Variants in LHPP observed in about 807,000 individuals in gnomAD.
LHPP encodes the protein phospholysine phosphohistidine inorganic pyrophosphate phosphatase, also known as hLHPP.
LHPP carries 24 observed loss-of-function variants against 30.3 expected under a neutral mutation model. That is an observed-to-expected ratio of 0.79 (90% confidence interval 0.57 to 1.11). LHPP has a LOEUF of 1.11. Among genes scored for constraint, LHPP ranks in the 50% most tolerant of loss-of-function variants. The probability of loss-of-function intolerance (pLI) is 0.00; values close to 1 mark genes in which losing one functional copy is unlikely to be tolerated. For synonymous variants in LHPP, 150 were observed against 157.1 expected (o/e 0.95, Z 0.34); for missense variants, 356 against 367.2 (o/e 0.97, Z 0.25).
At chr10:124,494,293 C>T (rs1351644810) in intron 3 of LHPP, among the ~76,000 whole-genome samples, 2 of 152,202 alleles carry the variant, frequency 1.3e-5, no homozygotes, top group Non-Finnish European at 2.9e-5. Context: ...TCCACCCAAC[C>T]TCTAGCTCCT....
intron 3 of LHPP, chr10:124,493,642 A>C (rs1320525457): frequency 1.3e-5 from 2 of 152,184 alleles, no homozygotes; most frequent in Non-Finnish European, 2.9e-5. Flanking sequence ...GGCTGTGCTG[A>C]ATAATCTGAA....
chr10:124,558,513 AG>A (rs1295101618), intron 6 of LHPP, among the ~76,000 whole-genome samples: 2 of 152,152 alleles, frequency 1.3e-5, no homozygotes, highest in Non-Finnish European at 2.9e-5. Context: ...CTCTCCCAAG[AG>A]TGTGTGCCCT....
rs980028675 is a variant in LHPP at position 124,469,133 on chromosome 10, G to A, written c.125+7146G>A. Among the ~76,000 whole-genome samples the A allele has an allele frequency of 1.5e-4, 23 of 152,240 alleles. No homozygotes were observed. In the East Asian group the frequency reaches 2.7e-3, roughly 18 times the overall value. ...GTACAGCCTGCTTTGAAGTCCTGCA[G>A]GAGCTCAAAGGAAGTTCCTGGGGTG... On this transcript the variant is annotated intron_variant, in intron 1 of 6. Coordinates refer to ENST00000368842, the MANE Select transcript of LHPP (RefSeq NM_022126.4).
At position 124,529,490 on chromosome 10, in the gene LHPP, G is replaced by GCCA. The variant is rs1377651358; in HGVS notation, c.716+12220_716+12222dup. ...AGGCCTCCTGGTGAGGAACCTCCCAGCCAGCCCTGTCAGTGGCACTGAGGC... is the reference window on the plus strand; with the variant it reads ...AGGCCTCCTGGTGAGGAACCTCCCAGCCACCAGCCCTGTCAGTGGCACTGAGGC... On this transcript the variant is annotated intron_variant, in intron 6 of 6. Coordinates refer to ENST00000368842, the MANE Select transcript of LHPP (RefSeq NM_022126.4). Among the ~76,000 whole-genome samples the GCCA allele has an allele frequency of 5.3e-5, 8 of 152,230 alleles. No homozygotes were observed. The East Asian group carries it at 1.5e-3, about 29-fold the overall frequency.
intron 1 of LHPP, among the ~76,000 whole-genome samples, chr10:124,463,520 G>A (rs1439306152): frequency 2.6e-5 from 4 of 151,884 alleles, no homozygotes; most frequent in East Asian, 3.9e-4. Flanking sequence ...CCGCCACCAC[G>A]CCCAGCTAAT....
intron 6 of LHPP, among the ~76,000 whole-genome samples, chr10:124,546,985 G>A (rs980641664): frequency 6.6e-6 from 1 of 151,980 alleles, no homozygotes; most frequent in Non-Finnish European, 1.5e-5. Context: ...CTCCCACCCA[G>A]ATTTAGCTCT....
chr10:124,537,091 A>G (rs1399505336), intron 6 of LHPP, among the ~76,000 whole-genome samples: 3 of 152,222 alleles, frequency 2.0e-5, no homozygotes, highest in Admixed American at 1.3e-4. Flanking sequence ...GTAAGCCTTA[A>G]GGTAAATTTC....
chr10:124,608,323 G>T (rs1949121759), intron 6 of LHPP, among the ~76,000 whole-genome samples: 1 of 150,190 alleles, frequency 6.7e-6, no homozygotes, highest in African/African-American at 2.4e-5. Context: ...GGCCGGTCAT[G>T]CTCTACCTCC....
intron 1 of LHPP, among the ~76,000 whole-genome samples, chr10:124,481,217 C>CAGAT (rs146653433): frequency 0.21 from 32,110 of 151,694 alleles, 4,223 homozygotes; most frequent in Middle Eastern, 0.3. Flanking sequence ...CAAAAACTGA[C>CAGAT]AGAGACAGGG....
intron 6 of LHPP, among the ~76,000 whole-genome samples, chr10:124,606,497 AG>A (rs11307680): frequency 0.74 from 112,444 of 152,146 alleles, 41,720 homozygotes; most frequent in Non-Finnish European, 0.74. Flanking sequence ...GGGAGGGGGC[AG>A]GGCCAGCGCC....
intron 1 of LHPP, among the ~76,000 whole-genome samples, chr10:124,481,979 C>T (rs1173183284): frequency 6.6e-6 from 1 of 152,224 alleles, no homozygotes; most frequent in Non-Finnish European, 1.5e-5. Context: ...TTCCTGACTC[C>T]ACTGTGTGTA....
chr10:124,544,183 A>G (rs976012150), intron 6 of LHPP, among the ~76,000 whole-genome samples: 2 of 152,180 alleles, frequency 1.3e-5, no homozygotes, highest in East Asian at 3.9e-4. Flanking sequence ...ACAGACGGGT[A>G]TGTGCCTCAC....
chr10:124,565,659 A>G (rs748732420), intron 6 of LHPP, among the ~76,000 whole-genome samples: 5 of 152,234 alleles, frequency 3.3e-5, no homozygotes, highest in South Asian at 2.1e-4. Flanking sequence ...CCAGGCGGCC[A>G]CTGTCGTCCA....
At chr10:124,514,615 T>A (rs561360266) in intron 5 of LHPP, among the ~76,000 whole-genome samples, 2 of 152,342 alleles carry the variant, frequency 1.3e-5, no homozygotes, top group Admixed American at 1.3e-4. Flanking sequence ...TTTATAAGAT[T>A]TTCTCCTTGT....
intron 6 of LHPP, among the ~76,000 whole-genome samples, chr10:124,579,662 T>C (rs7088418): frequency 0.24 from 37,089 of 152,092 alleles, 4,735 homozygotes; most frequent in East Asian, 0.36. Flanking sequence ...CCTTGGGGAG[T>C]TTGTTAAATA....
At chr10:124,506,601 A>C (rs1001350344) in intron 5 of LHPP, among the ~76,000 whole-genome samples, 1 of 147,414 alleles carries the variant, frequency 6.8e-6, no homozygotes, top group African/African-American at 2.5e-5. Flanking sequence ...CCATAGCCCA[A>C]CTCTCAGGGA....
At chr10:124,518,205 A>ACCTCCCAGAC (rs756894164) in intron 6 of LHPP, among the ~76,000 whole-genome samples, 16 of 152,062 alleles carry the variant, frequency 1.1e-4, no homozygotes, top group Admixed American at 1.3e-4. Flanking sequence ...CCTTCCAGCT[A>ACCTCCCAGAC]CCTCCCAGAC....
intron 1 of LHPP, among the ~76,000 whole-genome samples, chr10:124,463,425 C>A (rs1349427469): frequency 6.6e-6 from 1 of 151,652 alleles, no homozygotes; most frequent in Non-Finnish European, 1.5e-5. Flanking sequence ...TGCAGTGGCG[C>A]CATCTGGGCT....
chr10:124,552,643 G>C (rs950230929), intron 6 of LHPP, among the ~76,000 whole-genome samples: 2 of 152,146 alleles, frequency 1.3e-5, no homozygotes, highest in Non-Finnish European at 2.9e-5. Flanking sequence ...CCCCGCCCCT[G>C]TAGTCATTTC....
Sources: gnomAD v4.1 joint callset for allele counts (sites outside exome capture counted in the v4.1 genomes callset) on GRCh38, gnomAD v4.1.1 for gene constraint, MANE v1.5 for transcripts, NCBI Gene and HGNC (gene_info 2026-07-23, HGNC 2026-07-21) for gene names.